The following WDR72 variants were observed in gnomAD, a reference collection of about 807,000 sequenced individuals.
WDR72 encodes WD repeat domain 72.
A neutral mutation model predicts 124.2 loss-of-function variants in WDR72; 120 were observed. The ratio of observed to expected loss-of-function variants is 0.97; its 90% confidence interval spans 0.83 to 1.12. The LOEUF (loss-of-function observed/expected upper bound fraction) is 1.12. Ranked by LOEUF, WDR72 falls within the 50% of genes most tolerant of loss-of-function variation. The pLI, the probability that WDR72 is intolerant of heterozygous loss-of-function variation, is 0.00. For missense variants in WDR72, 1,387 were observed against 1,278.8 expected, an observed-to-expected ratio of 1.08 and a Z score of -1.29; for synonymous variants, 452 against 441.7, an observed-to-expected ratio of 1.02 and a Z score of -0.29.
Position 53,616,035 on chromosome 15 carries a change from G to A in WDR72, c.2171C>T (p.Thr724Ile). ...RRAKSTVEKK[T>I]LTLRKSKTAC... ...AGTTTTACTTTTTCTCAGTGTCAGT[G>A]TCTTCTTCTCCACTGTGCTCTTGGC... Residue 724 changes from threonine (T) to isoleucine (I), a missense_variant, in exon 15 of 20, where the codon ACA becomes ATA. Thr to Ile is a moderately conservative substitution (Grantham distance 89, BLOSUM62 -1). Transcript: ENST00000360509. The A allele has an allele frequency of 6.2e-7, 1 of 1,613,140 alleles. No individual in the cohort carries two copies. The highest frequency in any genetic ancestry group is 1.3e-5 in the African/African-American group (1 of 74,962).
chr15:53,739,509 A>T (rs2018449656), intron 1 of WDR72, among the ~76,000 whole-genome samples: 1 of 152,264 alleles, frequency 6.6e-6, no homozygotes, highest in Non-Finnish European at 1.5e-5. Flanking sequence ...CTAAGACAAG[A>T]GTTAAATAGA....
At chr15:53,522,873 T>TTAA (rs1891879509) in intron 19 of WDR72, among the ~76,000 whole-genome samples, 1 of 152,052 alleles carries the variant, frequency 6.6e-6, no homozygotes, top group South Asian at 2.1e-4. Context: ...GCTCCCCTCT[T>TTAA]GTTAGTTTCC....
intron 14 of WDR72, among the ~76,000 whole-genome samples, chr15:53,641,657 A>T (rs2014855315): frequency 6.6e-6 from 1 of 151,870 alleles, no homozygotes; most frequent in Admixed American, 6.6e-5. Flanking sequence ...GTCTTTTAGT[A>T]ATTTTTAGAA....
chr15:53,624,749 T>C (rs1402904533), intron 14 of WDR72, among the ~76,000 whole-genome samples: 1 of 152,242 alleles, frequency 6.6e-6, no homozygotes, highest in African/African-American at 2.4e-5. Flanking sequence ...TGCTATGTTT[T>C]AATGTATTAA....
chr15:53,743,158 T>C (rs182499401), intron 1 of WDR72, among the ~76,000 whole-genome samples: 110 of 152,220 alleles, frequency 7.2e-4, no homozygotes, highest in African/African-American at 2.5e-3. Flanking sequence ...ACATTATGTA[T>C]GTATACAATT....
intron 12 of WDR72, among the ~76,000 whole-genome samples, chr15:53,701,559 T>TCTCTCTCTCTCTCTCTCTCACA (rs369568228): frequency 3.3e-5 from 4 of 120,166 alleles, no homozygotes; most frequent in East Asian, 2.9e-4. Flanking sequence ...TCTCTCTCTC[T>TCTCTCTCTCTCTCTCTCTCACA]CACACACACA....
At position 53,561,145 on chromosome 15, in the gene WDR72, A is replaced by T. The variant is rs1425177486; in HGVS notation, c.3148+35934T>A. ...GGAATTTTTACCTTCAATAAATGAG[A>T]CAACTGGTGTAGCACATTCAACCAA... is the stretch of plus-strand genomic sequence containing the variant. On this transcript the variant is annotated intron_variant, in intron 18 of 19. Coordinates refer to ENST00000360509, the MANE Select transcript of WDR72 (RefSeq NM_182758.4). Among the ~76,000 whole-genome samples, 3 of 151,982 alleles carry T rather than the reference A, an allele frequency of 2.0e-5. No individual in the cohort carries two copies. The South Asian group carries it at 6.2e-4, about 31-fold the overall frequency.
chr15:53,593,401 C>A (rs541495536), intron 18 of WDR72, among the ~76,000 whole-genome samples: 1 of 152,080 alleles, frequency 6.6e-6, no homozygotes, highest in Non-Finnish European at 1.5e-5. Context: ...AATTTTGTGT[C>A]TGTAGGCAAG....
At chr15:53,546,285 C>A (rs1332705968) in intron 18 of WDR72, among the ~76,000 whole-genome samples, 3 of 152,074 alleles carry the variant, frequency 2.0e-5, no homozygotes, top group Non-Finnish European at 2.9e-5. Flanking sequence ...CAGTGATAGA[C>A]TGGATTAAGA....
intron 2 of WDR72, among the ~76,000 whole-genome samples, chr15:53,724,498 T>C (rs1004335476): frequency 9.2e-5 from 14 of 152,014 alleles, no homozygotes; most frequent in African/African-American, 3.4e-4. Context: ...ACAATCATGG[T>C]GGAAGGTGAA....
chr15:53,518,633 G>A (rs112751826), intron 19 of WDR72, among the ~76,000 whole-genome samples: 2,179 of 151,350 alleles, frequency 0.014, 30 homozygotes, highest in East Asian at 0.07. Flanking sequence ...ATGATTGATC[G>A]GCTGCTCACA....
chr15:53,545,212 C>G (rs1366723684), intron 18 of WDR72, among the ~76,000 whole-genome samples: 3 of 151,696 alleles, frequency 2.0e-5, no homozygotes, highest in Non-Finnish European at 4.4e-5. Flanking sequence ...CACGGGAATC[C>G]TAAGCCAAAA....
intron 14 of WDR72, among the ~76,000 whole-genome samples, chr15:53,654,581 C>T (rs970608013): frequency 6.6e-6 from 1 of 152,146 alleles, no homozygotes; most frequent in African/African-American, 2.4e-5. Flanking sequence ...GCGGTAGGTG[C>T]ACAAGAACAG....
At position 53,515,070 on chromosome 15, in the gene WDR72, C is replaced by CAT. The variant is rs1555402405; in HGVS notation, c.*2627_*2628dup. ...ATATATGTGTGTATATATATACACA[C>CAT]ATATATATGTATGTATACACACACA... On this transcript the variant is annotated 3_prime_UTR_variant, in exon 20 of 20. Transcript: ENST00000360509. 4.0e-5 allele frequency: 3 copies of CAT among 75,308 alleles called. No homozygotes were observed. The highest frequency in any genetic ancestry group is 4.5e-4 in the East Asian group (1 of 2,216). 4.7% of individuals were successfully genotyped at this position (75,308 alleles called of 1,614,324 possible).
chr15:53,580,343 T>C (rs117156754), intron 18 of WDR72, among the ~76,000 whole-genome samples: 1 of 152,222 alleles, frequency 6.6e-6, no homozygotes, highest in Non-Finnish European at 1.5e-5. Flanking sequence ...CTAAAATGTA[T>C]TGATTGAGAA....
upstream of WDR72, chr15:53,762,812 G>A (rs780990094): frequency 6.6e-6 from 1 of 152,216 alleles, no homozygotes; most frequent in Non-Finnish European, 1.5e-5. Context: ...CATTAGGGAC[G>A]GTGCCCAGGA....
At chr15:53,689,762 C>T (rs189249524) in intron 13 of WDR72, among the ~76,000 whole-genome samples, 140 of 152,086 alleles carry the variant, frequency 9.2e-4, no homozygotes, top group African/African-American at 3.3e-3. Flanking sequence ...AAGACACACG[C>T]ACACGTATGT....
intron 18 of WDR72, among the ~76,000 whole-genome samples, chr15:53,529,704 A>T (rs919263276): frequency 6.6e-6 from 1 of 152,048 alleles, no homozygotes; most frequent in African/African-American, 2.4e-5. Context: ...TCCTCAATCC[A>T]AAGGGAGAAT....
chr15:53,698,490 T>C (rs183257671), intron 13 of WDR72, among the ~76,000 whole-genome samples: 1 of 152,314 alleles, frequency 6.6e-6, no homozygotes, highest in Admixed American at 6.5e-5. Context: ...TTTATAAGCA[T>C]TGTAGGTATT....
Sources: allele counts gnomAD v4.1 joint callset (sites outside exome capture counted in the v4.1 genomes callset), GRCh38; gene constraint gnomAD v4.1.1; transcripts MANE v1.5; gene names NCBI Gene and HGNC (gene_info 2026-07-23, HGNC 2026-07-21).